The following RBMS1 variants were observed in gnomAD, a reference collection of about 807,000 sequenced individuals.
RBMS1 encodes RNA binding motif single stranded interacting protein 1.
A neutral mutation model predicts 62.3 loss-of-function variants in RBMS1; 17 were observed. The ratio of observed to expected loss-of-function variants is 0.27; its 90% CI spans 0.19 to 0.41. The LOEUF (loss-of-function observed/expected upper bound fraction) is 0.41, where lower values mean the gene tolerates loss of function less well. RBMS1 is among the 10% of genes least tolerant of loss of function. The pLI is 1.00. For synonymous variants in RBMS1, 172 were observed against 170.0 expected (o/e 1.01, Z -0.09); for missense variants, 334 against 504.5 (o/e 0.66, Z 3.24).
Position 160,471,717 on chromosome 2 carries a change from A to ATATATATATATATATATG in RBMS1, c.75+21571_75+21572insCATATATATATATATATA, listed in dbSNP as rs1422014155. On this transcript the variant is annotated intron_variant, in intron 1 of 13. Coordinates refer to ENST00000348849, the MANE Select transcript of RBMS1 (RefSeq NM_016836.4). Reference sequence around the variant, plus strand: ...TATATATATATATATATATATATATAACCTTTCATACATTCTGATTATAAG... The same window carrying ATATATATATATATATATG: ...TATATATATATATATATATATATATATATATATATATATATATGACCTTTCATACATTCTGATTATAAG... Among the ~76,000 whole-genome samples the ATATATATATATATATATG allele has an allele frequency of 5.0e-4, 27 of 53,964 alleles. 1 individual carries two copies. The East Asian group carries it at 0.011, about 22-fold the overall frequency. The allele number at this position is 53,964 out of a possible 152,430, so 35.4% of individuals were successfully genotyped here. A position where few individuals can be genotyped will look rare whatever the true frequency, so the allele number is the denominator to read the frequency against.
At chr2:160,473,584 T>C (rs1685010920) in intron 1 of RBMS1, among the ~76,000 whole-genome samples, 1 of 152,254 alleles carries the variant, frequency 6.6e-6, no homozygotes, top group South Asian at 2.1e-4. Context: ...GCTCATTTAC[T>C]GTTCAAAGGA....
rs548030999 is a variant in RBMS1, at chr2:160,421,832, G to T, written c.76-54441C>A. ...CTGTGGTTTCCTGACTTTTTAATGA[G>T]CACCATTCTAACTGGTGTGAGATGG... On this transcript the variant is annotated intron_variant, in intron 1 of 13. Coordinates refer to ENST00000348849, the MANE Select transcript of RBMS1 (RefSeq NM_016836.4). Among the ~76,000 whole-genome samples the T allele has an allele frequency of 2.3e-4, 35 of 152,240 alleles. No homozygotes were observed. In the South Asian group the frequency reaches 5.6e-3, roughly 24 times the overall value.
chr2:160,328,062 C>T (rs1223448716), intron 2 of RBMS1, among the ~76,000 whole-genome samples: 4 of 152,050 alleles, frequency 2.6e-5, no homozygotes, highest in Non-Finnish European at 5.9e-5. Context: ...GAGAGAGTTG[C>T]CACCAGAGAG....
chr2:160,364,769 A>AT (rs1372404336), intron 2 of RBMS1, among the ~76,000 whole-genome samples: 2 of 152,188 alleles, frequency 1.3e-5, no homozygotes, highest in African/African-American at 4.8e-5. Flanking sequence ...GGCCACCATG[A>AT]TAAACATTCC....
At chr2:160,321,279 G>T (rs1690546113) in intron 2 of RBMS1, among the ~76,000 whole-genome samples, 2 of 151,336 alleles carry the variant, frequency 1.3e-5, no homozygotes, top group Non-Finnish European at 2.9e-5. Flanking sequence ...TCTGTGGCAG[G>T]TACTCCCCCA....
chr2:160,379,962 A>C (rs1177331368), intron 1 of RBMS1, among the ~76,000 whole-genome samples: 1 of 152,160 alleles, frequency 6.6e-6, no homozygotes. Flanking sequence ...CAGTTCCTAC[A>C]CTTGAGTTTT....
chr2:160,305,585 C>T (rs1266644410), intron 4 of RBMS1, among the ~76,000 whole-genome samples: 1 of 152,054 alleles, frequency 6.6e-6, no homozygotes, highest in African/African-American at 2.4e-5. Flanking sequence ...AATATATCCC[C>T]GTCATTAAGC....
chr2:160,420,374 C>T (rs1574035609), intron 1 of RBMS1, among the ~76,000 whole-genome samples: 2 of 152,316 alleles, frequency 1.3e-5, no homozygotes, highest in Non-Finnish European at 2.9e-5. Flanking sequence ...CTGTTGAAAT[C>T]ATGCCTCATG....
In RBMS1 at chr2:160,359,184, TA is replaced by T. The variant is rs1692984300; in HGVS notation, c.251+8031del. Among the ~76,000 whole-genome samples, 6 of 152,106 alleles carry T rather than the reference TA, an allele frequency of 3.9e-5. No homozygotes were observed. The South Asian group carries it at 1.2e-3, about 32-fold the overall frequency. ...GGTAAATTATATCTTAAAGAGAAGC[TA>T]TTTCCTTATATTAGCCTCTAATTTA... is the stretch of plus-strand genomic sequence containing the variant. On this transcript the variant is annotated intron_variant, in intron 2 of 13. Coordinates refer to ENST00000348849, the MANE Select transcript of RBMS1 (RefSeq NM_016836.4).
chr2:160,403,080 C>T (rs770751907), intron 1 of RBMS1, among the ~76,000 whole-genome samples: 13 of 152,144 alleles, frequency 8.5e-5, no homozygotes, highest in African/African-American at 2.7e-4. Flanking sequence ...GATGCCAAAA[C>T]GGTCCCTAGT....
chr2:160,297,995 G>T (rs985503802), intron 6 of RBMS1, among the ~76,000 whole-genome samples: 8 of 152,170 alleles, frequency 5.3e-5, no homozygotes, highest in Admixed American at 2.6e-4. Flanking sequence ...TTTTATCTAA[G>T]TCTCTCTGGC....
chr2:160,493,314 T>C lies in RBMS1; in HGVS notation c.50A>G (p.Tyr17Cys). ...QQMYPQYATY[Y>C]YPQYLQAKQS... ...CTTGGCTTGCAGATACTGGGGGTAA[T>C]AGTAGGTGGCGTACTGAGGGTACAT... Residue 17 changes from tyrosine to cysteine, a missense_variant, in exon 1 of 14, where the codon TAT becomes TGT. Tyr to Cys is a radical substitution (Grantham distance 194, BLOSUM62 -2). Transcript: ENST00000348849. 4 of 1,613,282 alleles carry C rather than the reference T, an allele frequency of 2.5e-6. No homozygotes were observed. The highest frequency in any genetic ancestry group is 3.4e-6 in the Non-Finnish European group (4 of 1,179,516).
chr2:160,351,252 A>G (rs893642939), intron 2 of RBMS1, among the ~76,000 whole-genome samples: 3 of 151,948 alleles, frequency 2.0e-5, no homozygotes, highest in African/African-American at 7.3e-5. Context: ...GGTGCAGCAC[A>G]CAAACATGGC....
At chr2:160,357,013 T>A (rs1228400880) in intron 2 of RBMS1, among the ~76,000 whole-genome samples, 1 of 152,042 alleles carries the variant, frequency 6.6e-6, no homozygotes, top group East Asian at 1.9e-4. Flanking sequence ...GATTCAACAG[T>A]AACTCAATAA....
intron 1 of RBMS1, among the ~76,000 whole-genome samples, chr2:160,486,761 C>A (rs1685617076): frequency 6.6e-6 from 1 of 152,178 alleles, no homozygotes; most frequent in Non-Finnish European, 1.5e-5. Flanking sequence ...GAAGAAATGC[C>A]AGCCCACATT....
intron 2 of RBMS1, among the ~76,000 whole-genome samples, chr2:160,335,641 C>T (rs1380314214): frequency 6.6e-6 from 1 of 152,184 alleles, no homozygotes; most frequent in South Asian, 2.1e-4. Flanking sequence ...ATTGGACTTA[C>T]AATCCTGATG....
chr2:160,346,424 A>T (rs559637684), intron 2 of RBMS1, among the ~76,000 whole-genome samples: 7 of 152,176 alleles, frequency 4.6e-5, no homozygotes, highest in African/African-American at 1.7e-4. Flanking sequence ...TGTTTATCAA[A>T]ATGGTATAAA....
chr2:160,348,883 T>C (rs1692329871), intron 2 of RBMS1, among the ~76,000 whole-genome samples: 1 of 152,174 alleles, frequency 6.6e-6, no homozygotes, highest in Admixed American at 6.6e-5. Flanking sequence ...AACTTATTTC[T>C]TGACTATACT....
intron 1 of RBMS1, among the ~76,000 whole-genome samples, chr2:160,433,576 A>C (rs1459451920): frequency 6.6e-6 from 1 of 152,224 alleles, no homozygotes; most frequent in Non-Finnish European, 1.5e-5. Flanking sequence ...ATTAAGTGAC[A>C]CTGAGGTATA....
Sources: allele counts gnomAD v4.1 joint callset (sites outside exome capture counted in the v4.1 genomes callset), GRCh38; gene constraint gnomAD v4.1.1; transcripts MANE v1.5; gene names NCBI Gene and HGNC (gene_info 2026-07-23, HGNC 2026-07-21).